PCDH17: variants seen among roughly 807,000 people sequenced by gnomAD.
PCDH17 encodes the protein protocadherin 17, also known as protocadherin-17.
PCDH17 carries 21 observed loss-of-function variants against 67.7 expected under a neutral mutation model. The observed-to-expected ratio is 0.31, with a 90% confidence interval of 0.22 to 0.45. PCDH17 has a LOEUF of 0.45. Among genes scored for constraint, PCDH17 ranks in the 20% least tolerant of loss-of-function variants. The pLI is 1.00. For missense variants in PCDH17, 1,471 were observed against 1,564.8 expected (o/e 0.94, Z 1.01); for synonymous variants, 701 against 656.7 (o/e 1.07, Z -1.03).
At chr13:57,720,278 A>G (rs1043660969) in intron 3 of PCDH17, among the ~76,000 whole-genome samples, 3 of 151,990 alleles carry the variant, frequency 2.0e-5, no homozygotes, top group Non-Finnish European at 4.4e-5. Context: ...TTTATGTCCA[A>G]ATCCATTTTA....
At chr13:57,659,288 C>G (rs1405623034) in intron 1 of PCDH17, among the ~76,000 whole-genome samples, 1 of 152,078 alleles carries the variant, frequency 6.6e-6, no homozygotes, top group Non-Finnish European at 1.5e-5. Flanking sequence ...CTTCCTTTTG[C>G]AGGGATACAT....
intron 3 of PCDH17, among the ~76,000 whole-genome samples, chr13:57,674,183 T>C (rs1955359050): frequency 6.6e-6 from 1 of 152,004 alleles, no homozygotes; most frequent in African/African-American, 2.4e-5. Flanking sequence ...TAGGGAATGC[T>C]GGGACTATAT....
Position 57,634,600 on chromosome 13 carries a change from G to A in PCDH17, c.2054G>A (p.Ser685Asn), listed in dbSNP as rs779125132. The A allele has an allele frequency of 6.2e-7, 1 of 1,613,292 alleles. No homozygotes were observed. The highest frequency in any genetic ancestry group is 8.5e-7 in the Non-Finnish European group (1 of 1,180,022). Residue 685 changes from serine to asparagine, a missense_variant, in exon 1 of 4, where the codon AGC becomes AAC. Ser to Asn is a conservative substitution (Grantham distance 46). Coordinates refer to ENST00000377918, the MANE Select transcript of PCDH17 (RefSeq NM_001040429.3). The surrounding 1 kb of genome is among the most constrained non-coding windows in gnomAD (Gnocchi z 7.8). ...AVAKLIIRSV[S>N]GSLPEGVPRV... ...GCCAAGCTCATCATCCGCTCGGTGA[G>A]CGGATCCCTTCCCGAGGGGGTACCA...
chr13:57,709,573 A>G (rs1265306264), intron 3 of PCDH17: 5 of 151,946 alleles, frequency 3.3e-5, no homozygotes, highest in Non-Finnish European at 7.4e-5. Context: ...TTTAATATAA[A>G]AGTTAAAATC....
intron 1 of PCDH17, among the ~76,000 whole-genome samples, chr13:57,654,400 A>C (rs1955079736): frequency 7.3e-6 from 1 of 137,636 alleles, no homozygotes; most frequent in Non-Finnish European, 1.5e-5. Context: ...ATATTTCTTA[A>C]GTTTTTTTTT....
rs745645337 is a variant in PCDH17 at position 57,633,064 on chromosome 13, G to C, written c.518G>C (p.Arg173Pro). The change falls in exon 1 of 4, where the codon CGC becomes CCC. Residue 173 changes from arginine to proline, a missense_variant. By Grantham distance (103) the Arg-to-Pro change is moderately radical (BLOSUM62 -2). This residue lies in a region of PCDH17 where 1,163 missense variants were observed against 1,230.0 expected (regional missense o/e 0.95). Transcript: ENST00000377918. The surrounding 1 kb of genome is among the most constrained non-coding windows in gnomAD (Gnocchi z 6.2). ...ENGLRTYLLT[R>P]DDHGLFGLDV... ...GGGCTCCGCACCTACCTGCTCACGC[G>C]CGACGATCACGGCCTCTTTGGACTG... 1 of 1,613,164 alleles carries C rather than the reference G, an allele frequency of 6.2e-7. No individual in the cohort carries two copies. Among genetic ancestry groups the C allele is most frequent in the Non-Finnish European group, 8.5e-7 (1 of 1,179,964 alleles).
At chr13:57,691,901 G>A (rs1484562939) in intron 3 of PCDH17, among the ~76,000 whole-genome samples, 1 of 150,936 alleles carries the variant, frequency 6.6e-6, no homozygotes. Context: ...TGAATTGAAG[G>A]CAAACCTATA....
chr13:57,674,831 A>G (rs1460432042), intron 3 of PCDH17, among the ~76,000 whole-genome samples: 3 of 151,982 alleles, frequency 2.0e-5, no homozygotes, highest in Non-Finnish European at 2.9e-5. Context: ...ATGTTCCAAT[A>G]TTAGAAGTCC....
rs770053174 is a variant in PCDH17, at chr13:57,724,975, T to G, written c.3161T>G (p.Leu1054Arg). 9 of 1,614,140 alleles carry G rather than the reference T, an allele frequency of 5.6e-6. No homozygotes were observed. The highest frequency in any genetic ancestry group is 7.6e-6 in the Non-Finnish European group (9 of 1,180,006). ...IEPCTSTKGS[L>R]DGCEAKPGAL... ...CCTTGCACCTCAACAAAAGGCTCCCTGGATGGCTGTGAAGCAAAACCAGGA... is the reference window on the plus strand; with the variant it reads ...CCTTGCACCTCAACAAAAGGCTCCCGGGATGGCTGTGAAGCAAAACCAGGA... Residue 1054 changes from leucine to arginine, a missense_variant, in exon 4 of 4, where the codon CTG becomes CGG. Leu to Arg is a moderately radical substitution (Grantham distance 102, BLOSUM62 -2). Around this residue, in one of 3 missense-constraint regions of PCDH17, gnomAD observed 297 missense variants for 298.6 expected, o/e 0.99. Transcript: ENST00000377918.
chr13:57,646,226 T>G (rs1954964464), intron 1 of PCDH17, among the ~76,000 whole-genome samples: 1 of 151,604 alleles, frequency 6.6e-6, no homozygotes, highest in African/African-American at 2.4e-5. Flanking sequence ...GTAATGAAAT[T>G]TTTATGCAAA....
intron 3 of PCDH17, among the ~76,000 whole-genome samples, chr13:57,693,105 T>A (rs1189199255): frequency 2.0e-5 from 3 of 150,526 alleles, no homozygotes; most frequent in Non-Finnish European, 4.5e-5. Flanking sequence ...TCCAGGGATA[T>A]GCCTGTTGTC....
chr13:57,717,026 C>T (rs2138096772), intron 3 of PCDH17, among the ~76,000 whole-genome samples: 1 of 152,080 alleles, frequency 6.6e-6, no homozygotes, highest in Middle Eastern at 3.4e-3. Context: ...CCTTGAAAGT[C>T]TCTGTAAGCA....
intron 3 of PCDH17, among the ~76,000 whole-genome samples, chr13:57,713,555 T>C (rs1346919770): frequency 6.6e-6 from 1 of 151,600 alleles, no homozygotes; most frequent in Non-Finnish European, 1.5e-5. Context: ...GTAGGGGTAT[T>C]GTTTGAGTAA....
chr13:57,666,882 T>G, intron 3 of PCDH17, 49 bp downstream of exon 3: 1 of 1,433,702 alleles, frequency 7.0e-7, no homozygotes, highest in Non-Finnish European at 9.5e-7. Context: ...TAAGCAGTCA[T>G]TATAAACCTA....
At chr13:57,659,595 T>A (rs1333496860) in intron 1 of PCDH17, among the ~76,000 whole-genome samples, 1 of 152,188 alleles carries the variant, frequency 6.6e-6, no homozygotes, top group Non-Finnish European at 1.5e-5. Context: ...ATCTTAATTT[T>A]GCTGCCAAAA....
At chr13:57,675,901 A>T (rs1459098646) in intron 3 of PCDH17, among the ~76,000 whole-genome samples, 1 of 151,926 alleles carries the variant, frequency 6.6e-6, no homozygotes, top group African/African-American at 2.4e-5. Context: ...GCAAGAGAAA[A>T]TGAGGCCCAG....
chr13:57,650,967 G>A (rs1955029804), intron 1 of PCDH17, among the ~76,000 whole-genome samples: 1 of 152,056 alleles, frequency 6.6e-6, no homozygotes, highest in Non-Finnish European at 1.5e-5. Context: ...ATATCGATAT[G>A]TTTAATATTG....
rs73207471 is a variant in PCDH17 at position 57,724,830 on chromosome 13, C to T, written c.3016C>T (p.Arg1006Ter). 29 of 1,614,108 alleles carry T rather than the reference C, an allele frequency of 1.8e-5. No homozygotes were observed. Among genetic ancestry groups the T allele is most frequent in the Non-Finnish European group, 2.3e-5 (27 of 1,179,980 alleles). ...TTTTTGTACATTTGGAAAAGACAAG[C>T]GAGAGCACACTATTCTCATTGCCAA... The part of the protein sequence containing the change: ...KTFCTFGKDK[R>*]EHTILIANVK... The change falls in exon 4 of 4, where the codon CGA becomes TGA. Residue 1006 changes from arginine (R) to a stop codon, truncating the protein, a stop_gained. Transcript: ENST00000377918. LOFTEE classifies it high-confidence loss of function.
chr13:57,714,832 A>G (rs1457251200), intron 3 of PCDH17, among the ~76,000 whole-genome samples: 1 of 151,780 alleles, frequency 6.6e-6, no homozygotes, highest in Non-Finnish European at 1.5e-5. Context: ...AAAGTGTCTC[A>G]TTCGACACGG....
Sources: allele counts gnomAD v4.1 joint callset (sites outside exome capture counted in the v4.1 genomes callset), GRCh38; gene constraint gnomAD v4.1.1; regional missense constraint gnomAD v4.1.1; non-coding constraint Gnocchi (gnomAD v3.1); transcripts MANE v1.5; gene names NCBI Gene and HGNC (gene_info 2026-07-23, HGNC 2026-07-21).